LRMDA: variants seen among roughly 807,000 people sequenced by gnomAD.
The protein encoded by LRMDA is leucine-rich melanocyte differentiation-associated protein.
A neutral mutation model predicts 29.8 loss-of-function variants in LRMDA; 18 were observed. The ratio of observed to expected loss-of-function variants is 0.60; its 90% CI spans 0.42 to 0.90. The LOEUF is 0.90. LRMDA is among the 40% of genes least tolerant of loss of function. The pLI, the probability that LRMDA is intolerant of heterozygous loss-of-function variation, is 0.00. For synonymous variants in LRMDA, 125 were observed against 109.4 expected (o/e 1.14, Z -0.89); for missense variants, 273 against 273.9 (o/e 1.00, Z 0.02).
At chr10:75,885,976 G>A (rs1318412580) in intron 2 of LRMDA, among the ~76,000 whole-genome samples, 4 of 152,188 alleles carry the variant, frequency 2.6e-5, no homozygotes, top group East Asian at 3.8e-4. Flanking sequence ...TGAAAGAAGC[G>A]TAGTTGAACT....
chr10:76,441,432 A>G (rs926744859), intron 6 of LRMDA, among the ~76,000 whole-genome samples: 1 of 152,156 alleles, frequency 6.6e-6, no homozygotes, highest in Non-Finnish European at 1.5e-5. Flanking sequence ...TCATCTGTAA[A>G]ATGGGGATAC....
At chr10:76,195,735 G>A (rs1292643257) in intron 5 of LRMDA, among the ~76,000 whole-genome samples, 1 of 152,198 alleles carries the variant, frequency 6.6e-6, no homozygotes, top group Non-Finnish European at 1.5e-5. Flanking sequence ...TTCATCTGGG[G>A]CATTTAGTTC....
chr10:75,795,370 G>T (rs1455263575), intron 2 of LRMDA, among the ~76,000 whole-genome samples: 1 of 151,926 alleles, frequency 6.6e-6, no homozygotes, highest in Non-Finnish European at 1.5e-5. Flanking sequence ...TCCAGCATGG[G>T]CGACAGAGCA....
intron 5 of LRMDA, among the ~76,000 whole-genome samples, chr10:76,228,797 G>A (rs1357964746): frequency 1.3e-5 from 2 of 152,212 alleles, no homozygotes; most frequent in Non-Finnish European, 2.9e-5. Context: ...ATTTATGCCT[G>A]CACCTTAGCA....
chr10:76,197,216 T>A (rs1233522404), intron 5 of LRMDA, among the ~76,000 whole-genome samples: 2 of 152,218 alleles, frequency 1.3e-5, no homozygotes, highest in Admixed American at 1.3e-4. Flanking sequence ...TTAAAAAAAT[T>A]ATTTTATTTT....
intron 2 of LRMDA, among the ~76,000 whole-genome samples, chr10:75,518,926 A>G (rs900838310): frequency 1.3e-5 from 2 of 152,228 alleles, no homozygotes; most frequent in African/African-American, 4.8e-5. Flanking sequence ...TTGGTTTCAA[A>G]TAACATATTT....
chr10:75,463,967 A>C (rs1844622010), intron 2 of LRMDA, among the ~76,000 whole-genome samples: 1 of 147,478 alleles, frequency 6.8e-6, no homozygotes, highest in Admixed American at 6.7e-5. Context: ...GCGCCCGGCT[A>C]ATTTTTGTAT....
intron 2 of LRMDA, among the ~76,000 whole-genome samples, chr10:75,534,483 T>C (rs1346947132): frequency 6.6e-6 from 1 of 152,186 alleles, no homozygotes; most frequent in Non-Finnish European, 1.5e-5. Context: ...TGCATATATT[T>C]GGCAGGGGGG....
intron 6 of LRMDA, among the ~76,000 whole-genome samples, chr10:76,522,984 A>G (rs1162287141): frequency 1.3e-5 from 2 of 152,060 alleles, no homozygotes; most frequent in East Asian, 1.9e-4. Flanking sequence ...TGCCTTTGAT[A>G]TTTGTGGGCA....
chr10:76,348,161 T>C (rs889767088), intron 6 of LRMDA, among the ~76,000 whole-genome samples: 5 of 152,080 alleles, frequency 3.3e-5, no homozygotes, highest in Admixed American at 1.3e-4. Flanking sequence ...GAAATCAAAA[T>C]GTAGCCCCGA....
At chr10:75,539,949 C>T (rs1011389729) in intron 2 of LRMDA, among the ~76,000 whole-genome samples, 5 of 152,080 alleles carry the variant, frequency 3.3e-5, no homozygotes, top group African/African-American at 1.2e-4. Flanking sequence ...TATCAGCACC[C>T]AGGGGTTAAA....
intron 2 of LRMDA, among the ~76,000 whole-genome samples, chr10:75,888,768 G>A (rs1204239773): frequency 2.0e-5 from 3 of 152,132 alleles, no homozygotes; most frequent in East Asian, 1.9e-4. Flanking sequence ...GGCCATCAAC[G>A]TACATGTATT....
At chr10:76,011,444 G>A (rs1043685546) in intron 2 of LRMDA, among the ~76,000 whole-genome samples, 1 of 152,116 alleles carries the variant, frequency 6.6e-6, no homozygotes, top group South Asian at 2.1e-4. Flanking sequence ...TGCTCTACGG[G>A]GCCATGGAGC....
In LRMDA at chr10:76,461,712, T is replaced by A. The variant is rs73292560; in HGVS notation, c.602-95497T>A. 6.0e-3 allele frequency among the ~76,000 whole-genome samples: 918 copies of A among 152,202 alleles called. 7 individuals are homozygous for A. The highest frequency in any genetic ancestry group is 0.019 in the African/African-American group (798 of 41,528). On this transcript the variant is annotated intron_variant, in intron 6 of 6. Coordinates refer to ENST00000611255, the MANE Select transcript of LRMDA (RefSeq NM_001305581.2). ...AGGCTCTGCCCTCTGAGAAGAGAAG[T>A]GCTGTCTTAAGAAATTTCCTTGATA...
At position 76,008,644 on chromosome 10, in the gene LRMDA, G is replaced by T. The variant is rs372961614; in HGVS notation, c.132-27364G>T. On this transcript the variant is annotated intron_variant, in intron 2 of 6. Coordinates refer to ENST00000611255, the MANE Select transcript of LRMDA (RefSeq NM_001305581.2). ...ACACACTCCCATGGCTGTCCACACT[G>T]CAGTCCTCTGCCATGCTGGACAAAC... Among the ~76,000 whole-genome samples, 6 of 152,336 alleles carry T rather than the reference G, an allele frequency of 3.9e-5. No individual in the cohort carries two copies. In the East Asian group the frequency reaches 9.7e-4, roughly 25 times the overall value.
At chr10:75,959,317 C>T (rs1846720565) in intron 2 of LRMDA, among the ~76,000 whole-genome samples, 1 of 152,148 alleles carries the variant, frequency 6.6e-6, no homozygotes, top group African/African-American at 2.4e-5. Flanking sequence ...TTTTGGGCAG[C>T]ACCACCTTGG....
At chr10:76,019,405 G>A (rs913566092) in intron 2 of LRMDA, among the ~76,000 whole-genome samples, 6 of 152,074 alleles carry the variant, frequency 3.9e-5, no homozygotes, top group Non-Finnish European at 8.8e-5. Context: ...ACTTGAATTG[G>A]TCATGGTGGT....
intron 2 of LRMDA, among the ~76,000 whole-genome samples, chr10:76,017,050 G>A (rs555806461): frequency 1.3e-5 from 2 of 152,240 alleles, no homozygotes; most frequent in Non-Finnish European, 2.9e-5. Context: ...CATGGAAATA[G>A]GATTGTTGTA....
At chr10:76,363,221 A>AGGAAG (rs1564520773) in intron 6 of LRMDA, among the ~76,000 whole-genome samples, 5 of 35,114 alleles carry the variant, frequency 1.4e-4, no homozygotes, top group African/African-American at 5.7e-4. Flanking sequence ...AAGGAAGAGA[A>AGGAAG]AGAAAGAAAG....
Sources: gnomAD v4.1 joint callset for allele counts (sites outside exome capture counted in the v4.1 genomes callset) on GRCh38, gnomAD v4.1.1 for gene constraint, MANE v1.5 for transcripts, NCBI Gene and HGNC (gene_info 2026-07-23, HGNC 2026-07-21) for gene names.